The following SIK2 variants were observed in gnomAD, a reference collection of about 807,000 sequenced individuals.
The protein encoded by SIK2 is salt inducible kinase 2, also known as serine/threonine-protein kinase SIK2.
SIK2 carries 29 observed loss-of-function variants against 103.2 expected under a neutral mutation model. The observed-to-expected ratio is 0.28, with a 90% CI of 0.21 to 0.38. The LOEUF (loss-of-function observed/expected upper bound fraction) is 0.38, where lower values mean the gene tolerates loss of function less well. Ranked by LOEUF, SIK2 falls within the 10% of genes least tolerant of loss-of-function variation. SIK2 has a pLI of 1.00. For synonymous variants in SIK2, 412 were observed against 446.1 expected, an observed-to-expected ratio of 0.92 and a Z score of 0.96; for missense variants, 879 against 1,171.0, an observed-to-expected ratio of 0.75 and a Z score of 3.64.
At chr11:111,640,629 G>A (rs952720000) in intron 3 of SIK2, among the ~76,000 whole-genome samples, 1 of 149,164 alleles carries the variant, frequency 6.7e-6, no homozygotes, top group Non-Finnish European at 1.5e-5. Flanking sequence ...ATCTAAGGGA[G>A]AATTAAAAAC....
rs1200859128 is a variant in SIK2 at position 111,603,267 on chromosome 11, T to A, written c.135+569T>A. The stretch of plus-strand genomic sequence containing the variant: ...CCCCACGGCCACTGTCCATCTCCTC[T>A]CCTTCCTTTTGGCCCAGGGTGTCTC... On this transcript the variant is annotated intron_variant, in intron 1 of 14. Coordinates refer to ENST00000304987, the MANE Select transcript of SIK2 (RefSeq NM_015191.3). 2.0e-5 allele frequency among the ~76,000 whole-genome samples: 3 copies of A among 152,230 alleles called. No homozygotes were observed. In the East Asian group the frequency reaches 5.8e-4, roughly 30 times the overall value.
At chr11:111,666,932 T>TTA (rs1555030133) in intron 3 of SIK2, among the ~76,000 whole-genome samples, 6 of 150,694 alleles carry the variant, frequency 4.0e-5, no homozygotes, top group African/African-American at 1.5e-4. Flanking sequence ...GTCATTATCT[T>TTA]TTTTATTTTA....
intron 3 of SIK2, among the ~76,000 whole-genome samples, chr11:111,674,637 T>C (rs146422494): frequency 7.2e-5 from 11 of 152,320 alleles, no homozygotes; most frequent in Non-Finnish European, 1.0e-4. Flanking sequence ...CAATCGTAAA[T>C]TGTGTAGTGA....
At chr11:111,672,018 C>T (rs968333135) in intron 3 of SIK2, 32 of 519,810 alleles carry the variant, frequency 6.2e-5, no homozygotes, top group African/African-American at 6.0e-4. Context: ...GGAGGCTCCA[C>T]TTGGTCTCAA....
intron 1 of SIK2, among the ~76,000 whole-genome samples, chr11:111,607,366 T>G (rs1941662287): frequency 2.6e-5 from 4 of 152,220 alleles, no homozygotes; most frequent in Admixed American, 2.6e-4. Flanking sequence ...TTTTCAGAAT[T>G]GTTAAGGTAT....
intron 3 of SIK2, among the ~76,000 whole-genome samples, chr11:111,667,286 A>G (rs961493339): frequency 1.3e-5 from 2 of 151,994 alleles, no homozygotes; most frequent in African/African-American, 2.4e-5. Flanking sequence ...TTACAGTAAA[A>G]TTCCTAAGTA....
chr11:111,708,740 C>T (rs893527190), intron 8 of SIK2, among the ~76,000 whole-genome samples: 12 of 151,962 alleles, frequency 7.9e-5, no homozygotes, highest in Admixed American at 3.3e-4. Flanking sequence ...CATGCCACCA[C>T]GCCCAGCTAA....
rs605923 is a variant in SIK2 at position 111,724,442 on chromosome 11, G to C, written c.*313G>C. On this transcript the variant is annotated 3_prime_UTR_variant, in exon 15 of 15. Transcript: ENST00000304987. ...CCTAAGAAGACATTCAGACCCAGGT[G>C]TTATGCAGGATTACATCCGTTTATT... 0.79 allele frequency: 284,371 copies of C among 360,812 alleles called. 113,355 individuals are homozygous for C. The highest frequency in any genetic ancestry group is 0.84 in the Non-Finnish European group (164,911 of 195,896). The allele number at this position is 360,812 out of a possible 1,614,324, so 22.4% of individuals were successfully genotyped here. A position where few individuals can be genotyped will look rare whatever the true frequency, so the allele number is the denominator to read the frequency against.
At chr11:111,610,724 C>A (rs1941712033) in intron 1 of SIK2, among the ~76,000 whole-genome samples, 1 of 151,842 alleles carries the variant, frequency 6.6e-6, no homozygotes. Flanking sequence ...TAGCCATTTT[C>A]TAAAGAATTT....
At chr11:111,708,379 C>T (rs1943408635) in intron 8 of SIK2, among the ~76,000 whole-genome samples, 1 of 151,698 alleles carries the variant, frequency 6.6e-6, no homozygotes, top group Non-Finnish European at 1.5e-5. Flanking sequence ...GAGGTTCTGT[C>T]CCAAAAAGTA....
intron 3 of SIK2, among the ~76,000 whole-genome samples, chr11:111,648,657 A>G (rs1565330504): frequency 1.3e-5 from 2 of 151,984 alleles, no homozygotes; most frequent in Non-Finnish European, 2.9e-5. Context: ...GTATATATAT[A>G]TATTTTCACA....
Position 111,724,496 on chromosome 11 carries a change from A to G in SIK2, c.*367A>G, listed in dbSNP as rs888071470. 14 of 261,378 alleles carry G rather than the reference A, an allele frequency of 5.4e-5. No homozygotes were observed. The highest frequency in any genetic ancestry group is 2.0e-4 in the Admixed American group (4 of 20,310). 16.2% of individuals were successfully genotyped at this position (261,378 alleles called of 1,614,324 possible). ...AAGGGCAACCTTGGTGAAAGCAGAA[A>G]GGGTGTGTGCTATTGCATATATATG... On this transcript the variant is annotated 3_prime_UTR_variant, in exon 15 of 15. Coordinates refer to ENST00000304987, the MANE Select transcript of SIK2 (RefSeq NM_015191.3).
At chr11:111,648,949 T>TA (rs1942293620) in intron 3 of SIK2, among the ~76,000 whole-genome samples, 1 of 152,174 alleles carries the variant, frequency 6.6e-6, no homozygotes, top group Admixed American at 6.5e-5. Context: ...AAGTGTGTCT[T>TA]ATTGCTGCAG....
chr11:111,628,664 T>C (rs1450948813), intron 3 of SIK2, among the ~76,000 whole-genome samples: 1 of 152,006 alleles, frequency 6.6e-6, no homozygotes, highest in Non-Finnish European at 1.5e-5. Flanking sequence ...TGGGTTCAAG[T>C]GATCCACATG....
In SIK2 at chr11:111,727,257, G is replaced by A. The variant is rs1565406892; in HGVS notation, c.*3128G>A. The A allele has an allele frequency of 2.8e-5, 17 of 597,744 alleles. No homozygotes were observed. Among genetic ancestry groups the A allele is most frequent in the South Asian group, 2.2e-4 (11 of 49,238 alleles). The allele number at this position is 597,744 out of a possible 1,614,324, so 37.0% of individuals were successfully genotyped here. A position where few individuals can be genotyped will look rare whatever the true frequency, so the allele number is the denominator to read the frequency against. On this transcript the variant is annotated 3_prime_UTR_variant, in exon 15 of 15. Transcript: ENST00000304987. ...TGGGAGAGCATCAGGGCCCACCAGGGGAGTGGGGATGGGGCTCAGGGGCTG... is the reference window on the plus strand; with the variant it reads ...TGGGAGAGCATCAGGGCCCACCAGGAGAGTGGGGATGGGGCTCAGGGGCTG...
intron 3 of SIK2, among the ~76,000 whole-genome samples, chr11:111,681,461 TA>T (rs911906708): frequency 6.6e-6 from 1 of 152,230 alleles, no homozygotes; most frequent in Non-Finnish European, 1.5e-5. Context: ...GGTGATAGTT[TA>T]TTTTTTTTAG....
chr11:111,617,958 T>A (rs1941831342), intron 2 of SIK2, among the ~76,000 whole-genome samples: 1 of 151,870 alleles, frequency 6.6e-6, no homozygotes, highest in African/African-American at 2.4e-5. Context: ...AGAGAGAGGG[T>A]CTCACTGTTG....
At chr11:111,682,308 C>T (rs1217895102) in intron 3 of SIK2, among the ~76,000 whole-genome samples, 1 of 152,016 alleles carries the variant, frequency 6.6e-6, no homozygotes, top group Non-Finnish European at 1.5e-5. Context: ...ATAGGATGAC[C>T]GACCCAGTTT....
At chr11:111,718,042 C>A (rs527597102) in intron 9 of SIK2, among the ~76,000 whole-genome samples, 2 of 151,946 alleles carry the variant, frequency 1.3e-5, no homozygotes, top group Non-Finnish European at 2.9e-5. Flanking sequence ...AACAAACCTG[C>A]ACATCCTGCA....
Sources: allele counts gnomAD v4.1 joint callset (sites outside exome capture counted in the v4.1 genomes callset), GRCh38; gene constraint gnomAD v4.1.1; transcripts MANE v1.5; gene names NCBI Gene and HGNC (gene_info 2026-07-23, HGNC 2026-07-21).